The following COL13A1 variants were observed in gnomAD, a reference collection of about 807,000 sequenced individuals.
The protein encoded by COL13A1 is collagen type XIII alpha 1 chain.
A neutral mutation model predicts 130.9 loss-of-function variants in COL13A1; 89 were observed. That is an observed-to-expected ratio of 0.68 (90% CI 0.57 to 0.81). The LOEUF is 0.81. Ranked by LOEUF, COL13A1 falls within the 30% of genes least tolerant of loss-of-function variation. The pLI is 0.00. For synonymous variants in COL13A1, 402 were observed against 341.6 expected (o/e 1.18, Z -1.95); for missense variants, 879 against 934.6 (o/e 0.94, Z 0.78).
At position 69,957,020 on chromosome 10, in the gene COL13A1, C is replaced by T; in HGVS notation, c.2162C>T (p.Pro721Leu). ...APCPLGEDGLPVQGCWNK is the reference protein window; with the variant it reads ...APCPLGEDGLLVQGCWNK ...TCCTTGCAGGGCGAAGATGGCTTACCAGTCCAAGGCTGCTGGAACAAGGTA... is the reference window on the plus strand; with the variant it reads ...TCCTTGCAGGGCGAAGATGGCTTACTAGTCCAAGGCTGCTGGAACAAGGTA... The change falls in exon 40 of 41, where the codon CCA becomes CTA. Residue 721 changes from proline to leucine, a missense_variant. This residue lies in a region of COL13A1 where 68 missense variants were observed against 65.8 expected (regional missense o/e 1.03). Coordinates refer to ENST00000645393, the MANE Select transcript of COL13A1 (RefSeq NM_001368882.1). 6.2e-7 allele frequency: 1 copy of T among 1,613,774 alleles called. No homozygotes were observed. The highest frequency in any genetic ancestry group is 8.5e-7 in the Non-Finnish European group (1 of 1,179,716).
chr10:69,805,988 G>A (rs4746913), intron 1 of COL13A1, among the ~76,000 whole-genome samples: 9,452 of 152,344 alleles, frequency 0.062, 397 homozygotes, highest in East Asian at 0.088. Context: ...GCTGGGCTTT[G>A]CCAGTCTTGT....
chr10:69,824,311 C>G (rs1846945400), intron 2 of COL13A1, among the ~76,000 whole-genome samples: 1 of 152,232 alleles, frequency 6.6e-6, no homozygotes, highest in South Asian at 2.1e-4. Context: ...AATGCCATGT[C>G]CTAGTGTTGG....
chr10:69,907,981 A>C (rs1375278498), intron 17 of COL13A1, among the ~76,000 whole-genome samples: 1 of 152,204 alleles, frequency 6.6e-6, no homozygotes, highest in Non-Finnish European at 1.5e-5. Flanking sequence ...CATTCAAACC[A>C]TAGCACTGGA....
At chr10:69,922,987 G>C (rs2135643538) in intron 23 of COL13A1, among the ~76,000 whole-genome samples, 193 bp downstream of exon 23, 1 of 152,336 alleles carries the variant, frequency 6.6e-6, no homozygotes, top group Admixed American at 6.5e-5. Flanking sequence ...ATAACAGTTT[G>C]ACCTTTCAGA....
chr10:69,957,450 T>C (rs1003195335), intron 40 of COL13A1, among the ~76,000 whole-genome samples: 1 of 152,180 alleles, frequency 6.6e-6, no homozygotes, highest in African/African-American at 2.4e-5. Flanking sequence ...ACTCACATGC[T>C]ACTGTGCCTC....
chr10:69,917,221 G>A (rs1294166430), intron 17 of COL13A1, 68 bp from the exon 18 acceptor site: 17 of 1,593,364 alleles, frequency 1.1e-5, no homozygotes, highest in African/African-American at 2.7e-5. Flanking sequence ...CATTCTCACC[G>A]ACATCCTTGC....
intron 2 of COL13A1, among the ~76,000 whole-genome samples, chr10:69,832,595 T>C (rs1172353360): frequency 2.0e-5 from 3 of 152,082 alleles, no homozygotes; most frequent in Non-Finnish European, 2.9e-5. Context: ...AAGGTAGACC[T>C]TGTTGAGTGC....
chr10:69,887,464 A>G lies in COL13A1; in HGVS notation c.522A>G (p.Pro174=). 6.2e-7 allele frequency: 1 copy of G among 1,612,914 alleles called. No individual in the cohort carries two copies. Among genetic ancestry groups the G allele is most frequent in the Non-Finnish European group, 8.5e-7 (1 of 1,179,628 alleles). Residue 174 remains proline, a synonymous_variant, in exon 8 of 41, where the codon CCA becomes CCG. Transcript: ENST00000645393. ...TGTTTTTTTTTTTTCAGGGTCAACC[A>G]GGAACTAGAGGTTTCCCTGGATTTC... The part of the protein sequence containing the change: ...IIGPRGPPGQ[P]GTRGFPGFPG...
At position 69,902,822 on chromosome 10, in the gene COL13A1, G is replaced by A; in HGVS notation, c.825G>A (p.Gly275=). ...PGPPGPSGPL[G]HPGLPGPMGP... ...CCCCTGGACCAAGTGGACCTCTGGG[G>A]CACCCAGGACTGCCAGGGCCTATGG... The change falls in exon 15 of 41, where the codon GGG becomes GGA. Residue 275 remains glycine (G), a synonymous_variant. Coordinates refer to ENST00000645393, the MANE Select transcript of COL13A1 (RefSeq NM_001368882.1). The A allele has an allele frequency of 1.9e-6, 3 of 1,547,340 alleles. No homozygotes were observed. Among genetic ancestry groups the A allele is most frequent in the Non-Finnish European group, 2.6e-6 (3 of 1,144,582 alleles).
chr10:69,924,563 G>A (rs1288601934), intron 24 of COL13A1, among the ~76,000 whole-genome samples: 3 of 151,684 alleles, frequency 2.0e-5, no homozygotes, highest in Admixed American at 6.6e-5. Context: ...GTGGGCTCTC[G>A]ATGGCAACTG....
intron 2 of COL13A1, 43 bp downstream of exon 2, chr10:69,822,481 C>G (rs1238335264): frequency 6.8e-7 from 1 of 1,468,788 alleles, no homozygotes; most frequent in South Asian, 1.3e-5. Context: ...GTTCCTAAGA[C>G]TGAGACCAGA....
intron 38 of COL13A1, 40 bp downstream of exon 38, chr10:69,947,382 G>A: frequency 1.9e-6 from 3 of 1,576,400 alleles, no homozygotes; most frequent in Admixed American, 1.8e-5. Context: ...AGTTACTAAT[G>A]TCTTCATGAT....
chr10:69,847,451 A>C (rs1853466963), intron 2 of COL13A1, among the ~76,000 whole-genome samples: 1 of 152,326 alleles, frequency 6.6e-6, no homozygotes, highest in Middle Eastern at 3.4e-3. Flanking sequence ...GACCAGGCAC[A>C]TAGTAGGCCC....
intron 37 of COL13A1, 34 bp from the exon 38 acceptor site, chr10:69,947,273 A>C (rs374533908): frequency 6.2e-7 from 1 of 1,610,972 alleles, no homozygotes; most frequent in Admixed American, 1.7e-5. Flanking sequence ...GTGTGTCCTC[A>C]TTAACATGCC....
intron 17 of COL13A1, among the ~76,000 whole-genome samples, chr10:69,907,896 C>A (rs1012660877): frequency 1.3e-5 from 2 of 152,252 alleles, no homozygotes; most frequent in Non-Finnish European, 2.9e-5. Context: ...ATAATCTAAT[C>A]ACCTCTTAAA....
intron 9 of COL13A1, 101 bp from the exon 10 acceptor site, chr10:69,889,313 G>GA (rs2060926401): frequency 4.7e-6 from 4 of 845,722 alleles, no homozygotes; most frequent in Non-Finnish European, 4.7e-6. Context: ...AGCACGGGGG[G>GA]CAGGGAGGAG....
intron 18 of COL13A1, 124 bp downstream of exon 18, chr10:69,917,457 G>A: frequency 1.2e-6 from 1 of 827,260 alleles, no homozygotes; most frequent in East Asian, 2.7e-5. Context: ...TGCCTGCCCT[G>A]GTTCTCCCAG....
intron 35 of COL13A1, among the ~76,000 whole-genome samples, chr10:69,943,553 A>G (rs563568748): frequency 1.3e-5 from 2 of 149,734 alleles, no homozygotes; most frequent in East Asian, 3.9e-4. Flanking sequence ...ACATTGAGGC[A>G]CCCTAATTCA....
At chr10:69,873,094 C>T (rs1027390579) in intron 4 of COL13A1, among the ~76,000 whole-genome samples, 11 of 152,156 alleles carry the variant, frequency 7.2e-5, no homozygotes, top group East Asian at 1.9e-4. Flanking sequence ...ATGCTGCAGC[C>T]GGTCAGGGGG....
Sources: gnomAD v4.1 joint callset for allele counts (sites outside exome capture counted in the v4.1 genomes callset) on GRCh38, gnomAD v4.1.1 for gene constraint, gnomAD v4.1.1 regional missense constraint, MANE v1.5 for transcripts, NCBI Gene and HGNC (gene_info 2026-07-23, HGNC 2026-07-21) for gene names.